Variants in PTK2 observed in about 807,000 individuals in gnomAD.
The protein encoded by PTK2 is focal adhesion kinase 1.
In PTK2, 45 loss-of-function variants were observed where a neutral mutation model predicts 150.1. The observed-to-expected ratio is 0.30, with a 90% CI of 0.24 to 0.38. The LOEUF is 0.38. Ranked by LOEUF, PTK2 falls within the 10% of genes least tolerant of loss-of-function variation. PTK2 has a pLI of 1.00. For synonymous variants in PTK2, 432 were observed against 449.2 expected (o/e 0.96, Z 0.48); for missense variants, 919 against 1,307.3 (o/e 0.70, Z 4.58).
intron 12 of PTK2, among the ~76,000 whole-genome samples, chr8:140,798,828 T>C (rs1365851548): frequency 2.0e-5 from 3 of 152,110 alleles, no homozygotes. Flanking sequence ...TATACTCCTG[T>C]TTAAAGTATA....
chr8:140,796,076 C>G (rs2100091400), intron 12 of PTK2, among the ~76,000 whole-genome samples: 1 of 152,168 alleles, frequency 6.6e-6, no homozygotes, highest in African/African-American at 2.4e-5. Context: ...TTAAGCTGCC[C>G]AAAGGCATCC....
chr8:140,804,626 C>T (rs2100097263), intron 10 of PTK2, among the ~76,000 whole-genome samples: 1 of 152,184 alleles, frequency 6.6e-6, no homozygotes, highest in Non-Finnish European at 1.5e-5. Flanking sequence ...GATTCCTATA[C>T]ATTTCTTCAA....
intron 2 of PTK2, among the ~76,000 whole-genome samples, chr8:140,894,237 C>T (rs1403376685): frequency 6.6e-6 from 1 of 152,092 alleles, no homozygotes; most frequent in Non-Finnish European, 1.5e-5. Context: ...GGATCTAAGT[C>T]CACAGTCTGA....
chr8:140,922,827 C>T (rs540831781), intron 2 of PTK2, among the ~76,000 whole-genome samples: 2 of 152,272 alleles, frequency 1.3e-5, no homozygotes, highest in Admixed American at 6.5e-5. Context: ...CGGTCATCTA[C>T]GATGCCAGGG....
At chr8:140,804,224 T>G (rs2154594625) in intron 10 of PTK2, among the ~76,000 whole-genome samples, 1 of 99,596 alleles carries the variant, frequency 1.0e-5, no homozygotes, top group East Asian at 3.1e-4. Flanking sequence ...AACTTTGGCT[T>G]CTTCTTTTTT....
chr8:140,958,135 T>G (rs959541402), intron 1 of PTK2, among the ~76,000 whole-genome samples: 1 of 152,254 alleles, frequency 6.6e-6, no homozygotes, highest in East Asian at 1.9e-4. Flanking sequence ...CCTTTCACTC[T>G]CCTACTAATT....
chr8:140,926,891 CTAAG>C (rs2100169654), intron 1 of PTK2, among the ~76,000 whole-genome samples: 1 of 152,156 alleles, frequency 6.6e-6, no homozygotes, highest in Non-Finnish European at 1.5e-5. Flanking sequence ...CCTTATTAAT[CTAAG>C]TAGTATTTTT....
chr8:140,844,065 C>A (rs1271617355), intron 7 of PTK2, among the ~76,000 whole-genome samples: 1 of 152,092 alleles, frequency 6.6e-6, no homozygotes, highest in Non-Finnish European at 1.5e-5. Flanking sequence ...TGTAAAATGT[C>A]CCTGAAGAGG....
chr8:140,675,527 G>A, intron 27 of PTK2, 28 bp from the exon 31 acceptor site: 1 of 1,552,426 alleles, frequency 6.4e-7, no homozygotes, highest in Non-Finnish European at 8.9e-7. Flanking sequence ...TTCAGTCAAT[G>A]CACTGGTATA....
intron 8 of PTK2, among the ~76,000 whole-genome samples, chr8:140,820,180 A>T (rs1356929670): frequency 1.5e-5 from 2 of 134,396 alleles, no homozygotes; most frequent in African/African-American, 5.6e-5. Flanking sequence ...GCTCACTGCA[A>T]CCTCTGCCTC....
chr8:140,911,732 C>A (rs2100163262), intron 2 of PTK2, among the ~76,000 whole-genome samples: 1 of 115,786 alleles, frequency 8.6e-6, no homozygotes, highest in South Asian at 2.8e-4. Context: ...CTATTGCTAT[C>A]ACTATAATGT....
rs533089786 is a variant in PTK2, at chr8:140,679,003, G to GTTTTTTTTTTTTTTTTT, written c.2563-3521_2563-3505dup. Among the ~76,000 whole-genome samples the GTTTTTTTTTTTTTTTTT allele has an allele frequency of 1.3e-4, 9 of 69,008 alleles. 1 individual carries two copies. The highest frequency in any genetic ancestry group is 1.8e-4 in the Non-Finnish European group (7 of 39,314). The allele number at this position is 69,008 out of a possible 152,430, so 45.3% of individuals were successfully genotyped here. A position where few individuals can be genotyped will look rare whatever the true frequency, so the allele number is the denominator to read the frequency against. ...TCACGGCCAGCTGAGTGCTCCCCAT[G>GTTTTTTTTTTTTTTTTT]TTTTTTTTTTTTTTTTTTTTTTTTT... On this transcript the variant is annotated intron_variant, in intron 27 of 31. Coordinates refer to ENST00000522684, the Ensembl canonical transcript of PTK2.
intron 31 of PTK2, among the ~76,000 whole-genome samples, chr8:140,660,991 AC>A (rs1020159344): frequency 2.0e-5 from 3 of 152,234 alleles, no homozygotes; most frequent in Non-Finnish European, 4.4e-5. Context: ...CATACACAGG[AC>A]CCTATAATAC....
At chr8:140,794,100 A>G (rs756129911) in intron 12 of PTK2, among the ~76,000 whole-genome samples, 1 of 152,194 alleles carries the variant, frequency 6.6e-6, no homozygotes, top group South Asian at 2.1e-4. Context: ...TTTAATCTGA[A>G]TTAATGTAAC....
At chr8:140,668,937 C>G (rs1015772982) in intron 29 of PTK2, 1 of 155,192 alleles carries the variant, frequency 6.4e-6, no homozygotes. Context: ...AAAAAGCTGA[C>G]ATATGAATGC....
chr8:140,806,413 G>A (rs1297376953), intron 10 of PTK2, among the ~76,000 whole-genome samples: 2 of 152,040 alleles, frequency 1.3e-5, no homozygotes, highest in African/African-American at 2.4e-5. Context: ...AGAGGATGTC[G>A]GAGGCGCCTT....
At chr8:140,702,269 G>C (rs2100031040) in intron 25 of PTK2, among the ~76,000 whole-genome samples, 1 of 148,334 alleles carries the variant, frequency 6.7e-6, no homozygotes, top group South Asian at 2.1e-4. Flanking sequence ...GCCCAGGCTG[G>C]AGTGCAGTGG....
intron 21 of PTK2, among the ~76,000 whole-genome samples, chr8:140,736,979 G>A (rs948104944): frequency 1.3e-5 from 2 of 152,080 alleles, no homozygotes; most frequent in South Asian, 2.1e-4. Context: ...ACTTAGCCAA[G>A]AATCCAAGAA....
At chr8:140,991,083 G>A (rs186515307) in intron 1 of PTK2, among the ~76,000 whole-genome samples, 2 of 152,242 alleles carry the variant, frequency 1.3e-5, no homozygotes, top group Admixed American at 6.5e-5. Flanking sequence ...AGATTTAAGC[G>A]ACATCACCAA....
Sources: gnomAD v4.1 joint callset for allele counts (sites outside exome capture counted in the v4.1 genomes callset) on GRCh38, gnomAD v4.1.1 for gene constraint, MANE v1.5 for transcripts, NCBI Gene and HGNC (gene_info 2026-07-23, HGNC 2026-07-21) for gene names.